Variants in VWF observed in about 807,000 individuals in gnomAD.
VWF encodes von Willebrand factor.
A neutral mutation model predicts 308.6 loss-of-function variants in VWF; 176 were observed. The observed-to-expected ratio is 0.57, with a 90% CI of 0.50 to 0.65. The LOEUF (loss-of-function observed/expected upper bound fraction) is 0.65. Ranked by LOEUF, VWF falls within the 30% of genes least tolerant of loss-of-function variation. The pLI is 0.00. For synonymous variants in VWF, 1,385 were observed against 1,443.4 expected (o/e 0.96, Z 0.92); for missense variants, 3,146 against 3,648.2 (o/e 0.86, Z 3.55).
chr12:6,029,665 T>A (rs907383444), intron 21 of VWF, among the ~76,000 whole-genome samples, 177 bp from the exon 22 acceptor site: 1 of 152,116 alleles, frequency 6.6e-6, no homozygotes, highest in Non-Finnish European at 1.5e-5. Flanking sequence ...CGCCAGGACA[T>A]GTCTGTGACC....
chr12:6,063,041 G>T lies in VWF; in HGVS notation c.1446C>A (p.Ile482=). 1.2e-6 allele frequency: 2 copies of T among 1,613,376 alleles called. No individual in the cohort carries two copies. Among genetic ancestry groups the T allele is most frequent in the Non-Finnish European group, 1.7e-6 (2 of 1,179,988 alleles). The change falls in exon 13 of 52, where the codon ATC becomes ATA. Residue 482 remains isoleucine (I), a synonymous_variant. Transcript: ENST00000261405. The surrounding 1 kb of genome is among the most constrained non-coding windows in gnomAD (Gnocchi z 4.9). ...QLPLLKGDLR[I]QHTVTASVRL... Reference sequence around the variant, plus strand: ...GCACGGAGGCCGTCACTGTATGCTGGATGCGGAGGTCACCTGGAACCCAGC... The same window carrying T: ...GCACGGAGGCCGTCACTGTATGCTGTATGCGGAGGTCACCTGGAACCCAGC...
chr12:5,983,823 G>GAT (rs1943641373), intron 40 of VWF, among the ~76,000 whole-genome samples: 1 of 84,796 alleles, frequency 1.2e-5, no homozygotes, highest in Non-Finnish European at 2.7e-5. Context: ...ATAGATGATA[G>GAT]AGGATAGATG....
rs577388716 is a variant in VWF at position 6,012,766 on chromosome 12, A to G, written c.5621-636T>C. Among the ~76,000 whole-genome samples, 415 of 149,162 alleles carry G rather than the reference A, an allele frequency of 2.8e-3. 4 individuals carry two copies. Among genetic ancestry groups the G allele is most frequent in the African/African-American group, 9.4e-3 (378 of 40,262 alleles). ...GCCCAGGCTGGAGTACAGTGGCGCG[A>G]TCTCGGCTCACTGCAAGCTCTGCCT... is the stretch of plus-strand genomic sequence containing the variant. On this transcript the variant is annotated intron_variant, in intron 32 of 51. Transcript: ENST00000261405.
chr12:6,034,833 G>C lies in VWF; in HGVS notation c.2547-7C>G. ...CTTCCGGTCCTGACAGACACTAGGAGCAGTCATGGCAGAGATGACAAGTTG... is the reference window on the plus strand; with the variant it reads ...CTTCCGGTCCTGACAGACACTAGGACCAGTCATGGCAGAGATGACAAGTTG... On this transcript the variant is annotated splice_polypyrimidine_tract_variant and splice_region_variant and intron_variant, in intron 19 of 51. Transcript: ENST00000261405. 3.7e-6 allele frequency: 6 copies of C among 1,613,802 alleles called. No homozygotes were observed. The highest frequency in any genetic ancestry group is 5.1e-6 in the Non-Finnish European group (6 of 1,179,688).
intron 10 of VWF, among the ~76,000 whole-genome samples, chr12:6,068,831 T>TGCG (rs1352823620): frequency 0.022 from 2,742 of 122,500 alleles, 90 homozygotes; most frequent in African/African-American, 0.092. Flanking sequence ...TTTTTTTTTT[T>TGCG]TTGCGTGTGT....
chr12:5,995,793 T>G (rs1026141526), intron 35 of VWF, among the ~76,000 whole-genome samples: 5 of 152,218 alleles, frequency 3.3e-5, no homozygotes, highest in Admixed American at 6.5e-5. Flanking sequence ...GATTCCATCT[T>G]GCAAATCTGA....
chr12:6,063,168 C>G lies in VWF; in HGVS notation c.1433-114G>C. The G allele has an allele frequency of 6.8e-6, 6 of 883,086 alleles. No homozygotes were observed. Among genetic ancestry groups the G allele is most frequent in the Non-Finnish European group, 1.1e-5 (6 of 549,448 alleles). The allele number at this position is 883,086 out of a possible 1,614,324, so 54.7% of individuals were successfully genotyped here. On this transcript the variant is annotated intron_variant, in intron 12 of 51. Coordinates refer to ENST00000261405, the MANE Select transcript of VWF (RefSeq NM_000552.5). This position sits in a 1 kb window ranked among gnomAD's most constrained non-coding sequence, Gnocchi z 4.9. ...TCAAAAGGATGGTAGCACTGAAGAGCAATGACTTAGGGGCAGATGGGGTGG... is the reference window on the plus strand; with the variant it reads ...TCAAAAGGATGGTAGCACTGAAGAGGAATGACTTAGGGGCAGATGGGGTGG...
Position 6,060,571 on chromosome 12 carries a change from C to A in VWF, c.1533+2383G>T, listed in dbSNP as rs745856925. On this transcript the variant is annotated intron_variant, in intron 13 of 51. Coordinates refer to ENST00000261405, the MANE Select transcript of VWF (RefSeq NM_000552.5). This position sits in a 1 kb window ranked among gnomAD's most constrained non-coding sequence, Gnocchi z 5.1. ...CCACAAGATAGTCCCTTTCCATGAGCCCCAGGAATCTGTGTAAAGAAAAAG... is the reference window on the plus strand; with the variant it reads ...CCACAAGATAGTCCCTTTCCATGAGACCCAGGAATCTGTGTAAAGAAAAAG... Among the ~76,000 whole-genome samples the A allele has an allele frequency of 6.6e-5, 10 of 152,090 alleles. No individual in the cohort carries two copies. Among genetic ancestry groups the A allele is most frequent in the Non-Finnish European group, 1.2e-4 (8 of 68,020 alleles).
chr12:6,059,569 T>C, intron 13 of VWF, among the ~76,000 whole-genome samples: 1 of 152,156 alleles, frequency 6.6e-6, no homozygotes, highest in East Asian at 1.9e-4. Flanking sequence ...GACCCTGCTT[T>C]CCGGTTCATA....
chr12:5,956,068 C>T (rs1367081264), intron 47 of VWF, among the ~76,000 whole-genome samples: 1 of 152,126 alleles, frequency 6.6e-6, no homozygotes, highest in Non-Finnish European at 1.5e-5. Context: ...TGACAACAGT[C>T]CCATAAAATT....
intron 3 of VWF, among the ~76,000 whole-genome samples, chr12:6,114,812 G>A (rs1198418753): frequency 3.9e-5 from 6 of 152,178 alleles, no homozygotes; most frequent in East Asian, 3.9e-4. Flanking sequence ...TTCACCTACC[G>A]CAGGAACTGG....
At position 6,033,008 on chromosome 12, in the gene VWF, ACATGCATACACCCACACAGACATGCT is replaced by A. The variant is rs758844616; in HGVS notation, c.2686-1456_2686-1431del. Among the ~76,000 whole-genome samples the A allele has an allele frequency of 3.1e-3, 429 of 136,342 alleles. 3 individuals are homozygous for A. The highest frequency in any genetic ancestry group is 8.9e-3 in the Admixed American group (129 of 14,442). 89.4% of individuals were successfully genotyped at this position (136,342 alleles called of 152,430 possible). ...CACATGCATACACCCACACACACGC[ACATGCATACACCCACACAGACATGCT>A]CATGCATACACACATGCACACATAC... On this transcript the variant is annotated intron_variant, in intron 20 of 51. Transcript: ENST00000261405.
intron 47 of VWF, among the ~76,000 whole-genome samples, chr12:5,966,662 C>T (rs1943408640): frequency 6.6e-6 from 1 of 151,766 alleles, no homozygotes; most frequent in Admixed American, 6.6e-5. Flanking sequence ...GCAGCCCCGA[C>T]TGTCTCACCG....
chr12:5,985,226 G>T (rs1943665540), intron 39 of VWF, 107 bp from the exon 40 acceptor site: 1 of 1,176,004 alleles, frequency 8.5e-7, no homozygotes. Flanking sequence ...GTTCTGTACG[G>T]TCATCCCACA....
intron 44 of VWF, among the ~76,000 whole-genome samples, 169 bp downstream of exon 44, chr12:5,971,430 G>C (rs556438251): frequency 3.3e-4 from 50 of 152,326 alleles, no homozygotes; most frequent in African/African-American, 1.2e-3. Flanking sequence ...GTCTTAACTG[G>C]TTCCTAAGGG....
At chr12:6,031,721 T>C in intron 20 of VWF, 143 bp from the exon 21 acceptor site, 1 of 1,345,886 alleles carries the variant, frequency 7.4e-7, no homozygotes, top group Non-Finnish European at 1.0e-6. Flanking sequence ...TGTGCCTCTG[T>C]GTGTGTCTGG....
At chr12:6,042,490 C>T (rs111871390) in intron 18 of VWF, among the ~76,000 whole-genome samples, 4 of 152,334 alleles carry the variant, frequency 2.6e-5, no homozygotes, top group Admixed American at 6.5e-5. Flanking sequence ...ATAAATTACA[C>T]GGACTTCTCT....
chr12:6,072,713 C>CAAGG (rs1944795097), intron 8 of VWF, among the ~76,000 whole-genome samples: 1 of 152,106 alleles, frequency 6.6e-6, no homozygotes, highest in Admixed American at 6.6e-5. Flanking sequence ...CCAGGAAGCT[C>CAAGG]AAGAATGTGT....
chr12:5,990,358 C>T (rs1358000303), intron 38 of VWF, among the ~76,000 whole-genome samples: 1 of 152,110 alleles, frequency 6.6e-6, no homozygotes, highest in African/African-American at 2.4e-5. Flanking sequence ...ATAGGATGTG[C>T]GATTATGACC....
Sources: allele counts gnomAD v4.1 joint callset (sites outside exome capture counted in the v4.1 genomes callset), GRCh38; gene constraint gnomAD v4.1.1; non-coding constraint Gnocchi (gnomAD v3.1); transcripts MANE v1.5; gene names NCBI Gene and HGNC (gene_info 2026-07-23, HGNC 2026-07-21).